The following CEP120 variants were observed in gnomAD, a reference collection of about 807,000 sequenced individuals.
The protein encoded by CEP120 is centrosomal protein 120, also known as centrosomal protein of 120 kDa.
In CEP120, 113 loss-of-function variants were observed where a neutral mutation model predicts 126.5. That is an observed-to-expected ratio of 0.89 (90% CI 0.77 to 1.04). The LOEUF (loss-of-function observed/expected upper bound fraction) is 1.04. Ranked by LOEUF, CEP120 falls within the 50% of genes least tolerant of loss-of-function variation. CEP120 has a pLI of 0.00. For missense variants in CEP120, 1,230 were observed against 1,155.7 expected (o/e 1.06, Z -0.93); for synonymous variants, 400 against 394.3 (o/e 1.01, Z -0.17).
chr5:123,383,015 G>A lies in CEP120; in HGVS notation c.1831C>T (p.Arg611Cys), dbSNP rs150132498. Residue 611 changes from arginine to cysteine, a missense_variant, in exon 12 of 20, where the codon CGT becomes TGT. Arg to Cys is a radical substitution (Grantham distance 180, BLOSUM62 -3). Coordinates refer to ENST00000306467, the MANE Select transcript of CEP120 (RefSeq NM_001375405.1). ...TLEDYGLVKM[R>C]EIFISDSSQG... ...GATGAATCAGAGATAAAAATCTCAC[G>A]CATTTTTACTAGTCCATAATCTTCT... is the stretch of plus-strand genomic sequence containing the variant. 2.6e-5 allele frequency: 42 copies of A among 1,592,424 alleles called. No individual in the cohort carries two copies. The highest frequency in any genetic ancestry group is 1.0e-4 in the South Asian group (9 of 89,670).
rs969149072 is a variant in CEP120 at position 123,372,534 on chromosome 5, CTTAT to C, written c.2481+112_2481+115del. 8.9e-4 allele frequency: 958 copies of C among 1,072,968 alleles called. 1 individual carries two copies. The highest frequency in any genetic ancestry group is 7.3e-4 in the Non-Finnish European group (527 of 724,620). The allele number at this position is 1,072,968 out of a possible 1,614,324, so 66.5% of individuals were successfully genotyped here. A position where few individuals can be genotyped will look rare whatever the true frequency, so the allele number is the denominator to read the frequency against. On this transcript the variant is annotated intron_variant, in intron 17 of 19. Coordinates refer to ENST00000306467, the MANE Select transcript of CEP120 (RefSeq NM_001375405.1). ...CGTGCCTTTAATTCTCTAATGCATT[CTTAT>C]TTGACATCAGAACACTACAGCAAAA... is the stretch of plus-strand genomic sequence containing the variant.
chr5:123,358,041 G>T (rs1301625257), intron 18 of CEP120, among the ~76,000 whole-genome samples: 1 of 152,090 alleles, frequency 6.6e-6, no homozygotes, highest in Non-Finnish European at 1.5e-5. Flanking sequence ...AAATACTACT[G>T]AAACTCTTAC....
At position 123,345,386 on chromosome 5, in the gene CEP120, G is replaced by A. The variant is rs1485722293; in HGVS notation, c.*1133C>T. The A allele has an allele frequency of 2.0e-5, 3 of 152,194 alleles. No individual in the cohort carries two copies. In the East Asian group the frequency reaches 5.8e-4, roughly 29 times the overall value. 9.4% of individuals were successfully genotyped at this position (152,194 alleles called of 1,614,324 possible). A position where few individuals can be genotyped will look rare whatever the true frequency, so the allele number is the denominator to read the frequency against. ...TATATCCTACTCTGCTTTGATGGAA[G>A]TTATTGGTAACTTCCTAAAGTATAT... is the stretch of plus-strand genomic sequence containing the variant. On this transcript the variant is annotated 3_prime_UTR_variant, in exon 20 of 20. Coordinates refer to ENST00000306467, the MANE Select transcript of CEP120 (RefSeq NM_001375405.1).
chr5:123,408,598 T>A (rs930563566), intron 4 of CEP120, among the ~76,000 whole-genome samples: 3 of 152,112 alleles, frequency 2.0e-5, no homozygotes, highest in Non-Finnish European at 4.4e-5. Flanking sequence ...ATAGGCCTAT[T>A]ATCTATTAAA....
chr5:123,415,847 G>A (rs1355727448), intron 3 of CEP120, among the ~76,000 whole-genome samples, 163 bp downstream of exon 3: 3 of 151,734 alleles, frequency 2.0e-5, no homozygotes, highest in Non-Finnish European at 4.4e-5. Context: ...ACTCCAGCCT[G>A]GATAACAGAG....
At chr5:123,410,715 CA>C in intron 4 of CEP120, among the ~76,000 whole-genome samples, 1 of 152,104 alleles carries the variant, frequency 6.6e-6, no homozygotes, top group East Asian at 1.9e-4. Context: ...ATGTAAACTG[CA>C]AAACTATAAA....
At chr5:123,413,851 A>G (rs533245603) in intron 3 of CEP120, among the ~76,000 whole-genome samples, 1 of 152,338 alleles carries the variant, frequency 6.6e-6, no homozygotes, top group Admixed American at 6.5e-5. Flanking sequence ...AGCCTGAAAG[A>G]AAGATTTCCA....
intron 4 of CEP120, chr5:123,400,888 G>A (rs1773167952): frequency 7.8e-6 from 10 of 1,277,746 alleles, no homozygotes; most frequent in Admixed American, 1.7e-5. Flanking sequence ...CAGCGCAGGA[G>A]GGGTAGGCTG....
At chr5:123,406,082 T>TTAGTAATTAGTAGTAG (rs1773635061) in intron 4 of CEP120, among the ~76,000 whole-genome samples, 2 of 152,000 alleles carry the variant, frequency 1.3e-5, no homozygotes, top group South Asian at 4.1e-4. Context: ...AATTGGTTCA[T>TTAGTAATTAGTAGTAG]TAGTAGGTGG....
intron 7 of CEP120, 188 bp from the exon 8 acceptor site, chr5:123,390,328 G>C: frequency 1.5e-6 from 1 of 664,690 alleles, no homozygotes; most frequent in South Asian, 1.5e-5. Context: ...GATGAACAGA[G>C]GAAATATGAT....
chr5:123,385,139 G>T lies in CEP120; in HGVS notation c.1581-6C>A. Reference sequence around the variant, plus strand: ...GTTCAACCAGTAATGGAATCCTAAGGAAGAGAGAAACATGTGTTCATACCT... The same window carrying T: ...GTTCAACCAGTAATGGAATCCTAAGTAAGAGAGAAACATGTGTTCATACCT... On this transcript the variant is annotated splice_polypyrimidine_tract_variant and splice_region_variant and intron_variant, in intron 10 of 19. Coordinates refer to ENST00000306467, the MANE Select transcript of CEP120 (RefSeq NM_001375405.1). 2 of 1,607,012 alleles carry T rather than the reference G, an allele frequency of 1.2e-6. No homozygotes were observed. Among genetic ancestry groups the T allele is most frequent in the Non-Finnish European group, 1.7e-6 (2 of 1,176,886 alleles).
intron 16 of CEP120, among the ~76,000 whole-genome samples, chr5:123,376,155 C>G (rs1024036336): frequency 2.0e-5 from 3 of 151,938 alleles, no homozygotes; most frequent in Admixed American, 6.6e-5. Flanking sequence ...ACCGATATGA[C>G]ATATCATAAA....
rs150957488 is a variant in CEP120, at chr5:123,421,295, C to T, written c.49+1655G>A. On this transcript the variant is annotated intron_variant, in intron 1 of 19. Coordinates refer to ENST00000306467, the MANE Select transcript of CEP120 (RefSeq NM_001375405.1). The stretch of plus-strand genomic sequence containing the variant: ...AATGTTCCACCCACCATGCTCACCC[C>T]GGCACAAGCTACTTGGTTGGGAATC... Among the ~76,000 whole-genome samples the T allele has an allele frequency of 4.6e-3, 701 of 152,238 alleles. 2 individuals carry two copies. Among genetic ancestry groups the T allele is most frequent in the African/African-American group, 0.016 (652 of 41,538 alleles).
chr5:123,363,771 A>C (rs960513953), intron 18 of CEP120, among the ~76,000 whole-genome samples: 3 of 151,540 alleles, frequency 2.0e-5, no homozygotes, highest in African/African-American at 7.2e-5. Flanking sequence ...TACAAACCTG[A>C]AAGACCCTAT....
At chr5:123,363,019 A>C (rs1455348204) in intron 18 of CEP120, among the ~76,000 whole-genome samples, 1 of 151,558 alleles carries the variant, frequency 6.6e-6, no homozygotes, top group Non-Finnish European at 1.5e-5. Context: ...TTGCATTCCT[A>C]CTGCTACTAC....
intron 3 of CEP120, among the ~76,000 whole-genome samples, chr5:123,415,743 T>G (rs760753596): frequency 3.3e-5 from 5 of 151,944 alleles, no homozygotes; most frequent in Non-Finnish European, 7.4e-5. Context: ...TGGTGGTGAG[T>G]GCCTGTAATC....
intron 7 of CEP120, among the ~76,000 whole-genome samples, chr5:123,390,565 G>T (rs1772325752): frequency 6.6e-6 from 1 of 151,900 alleles, no homozygotes; most frequent in African/African-American, 2.4e-5. Context: ...ACTCATTTCG[G>T]TTCTTCTATC....
intron 3 of CEP120, among the ~76,000 whole-genome samples, chr5:123,413,270 C>A (rs78714608): frequency 0.01 from 1,467 of 146,494 alleles, 26 homozygotes; most frequent in African/African-American, 0.035. Flanking sequence ...GAAGCCCTGT[C>A]GCAAAAAAAA....
At chr5:123,373,421 A>G (rs1770986203) in intron 16 of CEP120, among the ~76,000 whole-genome samples, 1 of 152,088 alleles carries the variant, frequency 6.6e-6, no homozygotes, top group Non-Finnish European at 1.5e-5. Context: ...AAGAATGGAA[A>G]TTTCTTGAAT....
Sources: gnomAD v4.1 joint callset for allele counts (sites outside exome capture counted in the v4.1 genomes callset) on GRCh38, gnomAD v4.1.1 for gene constraint, MANE v1.5 for transcripts, NCBI Gene and HGNC (gene_info 2026-07-23, HGNC 2026-07-21) for gene names.